The following TRHDE variants were observed in gnomAD, a reference collection of about 807,000 sequenced individuals.
TRHDE encodes thyrotropin-releasing hormone-degrading ectoenzyme.
A neutral mutation model predicts 125.7 loss-of-function variants in TRHDE; 72 were observed. The observed-to-expected ratio is 0.57, with a 90% confidence interval of 0.47 to 0.70. The LOEUF is 0.70. Among genes scored for constraint, TRHDE ranks in the 30% least tolerant of loss-of-function variants. The pLI, the probability that TRHDE is intolerant of heterozygous loss-of-function variation, is 0.00. For missense variants in TRHDE, 1,110 were observed against 1,327.1 expected (o/e 0.84, Z 2.54); for synonymous variants, 509 against 509.1 (o/e 1.00, Z 0.00).
intron 2 of TRHDE, among the ~76,000 whole-genome samples, chr12:72,290,851 T>G (rs1382996037): frequency 6.6e-6 from 1 of 152,186 alleles, no homozygotes; most frequent in Non-Finnish European, 1.5e-5. Context: ...TATGTGGAAT[T>G]TTTAAACTTA....
At chr12:72,201,337 G>A (rs1327198256) in intron 2 of TRHDE, among the ~76,000 whole-genome samples, 1 of 152,044 alleles carries the variant, frequency 6.6e-6, no homozygotes, top group African/African-American at 2.4e-5. Context: ...ATTTTAGGGA[G>A]GCAGAGAGAT....
chr12:72,263,626 C>T (rs1879002462), intron 2 of TRHDE: 1 of 152,008 alleles, frequency 6.6e-6, no homozygotes, highest in African/African-American at 2.4e-5. Context: ...AATGCATTTC[C>T]TGAATTGGAA....
At chr12:72,319,070 G>T (rs1700400169) in intron 2 of TRHDE, among the ~76,000 whole-genome samples, 3 of 152,124 alleles carry the variant, frequency 2.0e-5, no homozygotes, top group Admixed American at 6.6e-5. Flanking sequence ...GAATGAATGG[G>T]TAGGATGGGA....
chr12:72,343,665 A>C (rs1172525575), intron 2 of TRHDE, among the ~76,000 whole-genome samples: 1 of 152,142 alleles, frequency 6.6e-6, no homozygotes, highest in African/African-American at 2.4e-5. Context: ...TTCATAACTG[A>C]TGATGAGTAT....
chr12:72,366,595 C>G (rs1871348928), intron 2 of TRHDE, among the ~76,000 whole-genome samples: 1 of 151,870 alleles, frequency 6.6e-6, no homozygotes, highest in African/African-American at 2.4e-5. Context: ...AAAGACCGAG[C>G]CAATGGTTAA....
At position 72,624,248 on chromosome 12, in the gene TRHDE, CT is replaced by C. The variant is rs377308720; in HGVS notation, c.2675+2508del. Among the ~76,000 whole-genome samples the C allele has an allele frequency of 7.0e-3, 1,027 of 146,590 alleles. 5 individuals are homozygous for C. Among genetic ancestry groups the C allele is most frequent in the South Asian group, 0.011 (52 of 4,636 alleles). The stretch of plus-strand genomic sequence containing the variant: ...TCAAATTGAGTCAAGAAGGAAAGAA[CT>C]TTTTTTTTTTAAATGGCCCTATAGC... On this transcript the variant is annotated intron_variant, in intron 15 of 18. Coordinates refer to ENST00000261180, the MANE Select transcript of TRHDE (RefSeq NM_013381.3).
intron 3 of TRHDE, among the ~76,000 whole-genome samples, chr12:72,429,177 T>C (rs1291312683): frequency 6.6e-6 from 1 of 151,802 alleles, no homozygotes; most frequent in Non-Finnish European, 1.5e-5. Context: ...GGGAACATCA[T>C]ACACCAGGGC....
chr12:72,130,094 GT>G (rs1415143681), intron 2 of TRHDE, among the ~76,000 whole-genome samples: 1 of 152,042 alleles, frequency 6.6e-6, no homozygotes, highest in Non-Finnish European at 1.5e-5. Flanking sequence ...GAGGTCAGGA[GT>G]TTGAGACCAG....
intron 6 of TRHDE, among the ~76,000 whole-genome samples, chr12:72,503,438 G>T (rs1024251670): frequency 6.6e-6 from 1 of 152,122 alleles, no homozygotes; most frequent in Non-Finnish European, 1.5e-5. Context: ...TGTGTGCTGA[G>T]TAGAAGAGAT....
At chr12:72,232,278 G>A (rs1057170217) in intron 2 of TRHDE, among the ~76,000 whole-genome samples, 34 of 152,198 alleles carry the variant, frequency 2.2e-4, no homozygotes, top group African/African-American at 5.1e-4. Context: ...AGCAGTCTTC[G>A]GATTGGACAG....
chr12:72,437,311 C>T (rs1194931215), intron 3 of TRHDE, among the ~76,000 whole-genome samples: 2 of 151,812 alleles, frequency 1.3e-5, no homozygotes, highest in Non-Finnish European at 2.9e-5. Context: ...TTCCTTTTCC[C>T]TAAGTGAATT....
At chr12:72,289,137 A>G (rs1879997144) in intron 2 of TRHDE, among the ~76,000 whole-genome samples, 1 of 152,122 alleles carries the variant, frequency 6.6e-6, no homozygotes, top group Non-Finnish European at 1.5e-5. Flanking sequence ...GAAGGAGTGG[A>G]AGTTTAGCTT....
intron 2 of TRHDE, among the ~76,000 whole-genome samples, chr12:72,343,521 C>T (rs1565706113): frequency 6.6e-6 from 1 of 152,046 alleles, no homozygotes; most frequent in Non-Finnish European, 1.5e-5. Context: ...TAGTCCATAA[C>T]ACTCCACATT....
At chr12:72,105,967 C>T (rs2139292077) in intron 2 of TRHDE, among the ~76,000 whole-genome samples, 1 of 152,204 alleles carries the variant, frequency 6.6e-6, no homozygotes, top group South Asian at 2.1e-4. Flanking sequence ...TGGTTGAGAT[C>T]AGACTAGAGT....
At chr12:72,563,868 T>G (rs1870305030) in intron 9 of TRHDE, among the ~76,000 whole-genome samples, 3 of 152,078 alleles carry the variant, frequency 2.0e-5, no homozygotes, top group Admixed American at 2.0e-4. Flanking sequence ...CGCAATGAGA[T>G]GTTTGGATTG....
intron 2 of TRHDE, among the ~76,000 whole-genome samples, chr12:72,340,137 T>C (rs1392971987): frequency 2.6e-5 from 4 of 152,058 alleles, no homozygotes. Context: ...TGTATGCAAC[T>C]CTCCCTGTTG....
At position 72,120,340 on chromosome 12, in the gene TRHDE, T is replaced by G. The variant is rs185239218; in HGVS notation, n.279+14588T>G. On this transcript the variant is annotated intron_variant and non_coding_transcript_variant, in intron 2 of 4. Coordinates refer to the TRHDE transcript ENST00000548156. The stretch of plus-strand genomic sequence containing the variant: ...CTGGGATTACAGGTGTGAACCACCA[T>G]GCCTGGCTTACTCTTTCCATTTTAA... Among the ~76,000 whole-genome samples the G allele has an allele frequency of 1.4e-3, 209 of 152,088 alleles. 1 individual carries two copies. Among genetic ancestry groups the G allele is most frequent in the African/African-American group, 4.6e-3 (191 of 41,508 alleles).
intron 2 of TRHDE, among the ~76,000 whole-genome samples, chr12:72,235,343 T>A (rs1249179023): frequency 1.3e-5 from 2 of 152,166 alleles, no homozygotes; most frequent in African/African-American, 4.8e-5. Context: ...ATAGATATTA[T>A]CATCATCCCA....
At chr12:72,184,287 G>A (rs188078528) in intron 2 of TRHDE, among the ~76,000 whole-genome samples, 1 of 152,088 alleles carries the variant, frequency 6.6e-6, no homozygotes, top group African/African-American at 2.4e-5. Flanking sequence ...ACTTTTTCTT[G>A]CAATCCATTG....
Sources: gnomAD v4.1 joint callset for allele counts (sites outside exome capture counted in the v4.1 genomes callset) on GRCh38, gnomAD v4.1.1 for gene constraint, MANE v1.5 for transcripts, NCBI Gene and HGNC (gene_info 2026-07-23, HGNC 2026-07-21) for gene names.